Variants in SMPD3 observed in about 807,000 individuals in gnomAD.
The protein encoded by SMPD3 is nSMase-2.
A neutral mutation model predicts 55.7 loss-of-function variants in SMPD3; 21 were observed. That is an observed-to-expected ratio of 0.38 (90% CI 0.27 to 0.54). The LOEUF (loss-of-function observed/expected upper bound fraction) is 0.54. Among genes scored for constraint, SMPD3 ranks in the 20% least tolerant of loss-of-function variants. SMPD3 has a pLI of 0.80. For missense variants in SMPD3, 842 were observed against 899.6 expected (o/e 0.94, Z 0.82); for synonymous variants, 457 against 404.3 (o/e 1.13, Z -1.56).
chr16:68,367,007 CAAAAAAAA>C (rs35797796), intron 3 of SMPD3, among the ~76,000 whole-genome samples: 1 of 129,514 alleles, frequency 7.7e-6, no homozygotes, highest in Non-Finnish European at 1.7e-5. Flanking sequence ...GACTCTGTCT[CAAAAAAAA>C]AAAAAAAAAT....
intron 2 of SMPD3, among the ~76,000 whole-genome samples, chr16:68,385,897 A>T (rs1259000571): frequency 6.6e-6 from 1 of 152,098 alleles, no homozygotes; most frequent in African/African-American, 2.4e-5. Context: ...GTTTCACAAC[A>T]TCCTTACCAA....
At chr16:68,370,335 T>C (rs192393021) in intron 3 of SMPD3, 8 of 156,224 alleles carry the variant, frequency 5.1e-5, no homozygotes, top group Non-Finnish European at 1.1e-4. Context: ...GGGAAGCTAG[T>C]GGCCTCAGTG....
At chr16:68,375,067 C>T (rs2089776441) in intron 2 of SMPD3, among the ~76,000 whole-genome samples, 1 of 152,182 alleles carries the variant, frequency 6.6e-6, no homozygotes. Context: ...CTGAGGTCAC[C>T]AGCCCAGCCT....
chr16:68,412,677 G>A (rs2090311080), intron 1 of SMPD3, among the ~76,000 whole-genome samples: 1 of 152,290 alleles, frequency 6.6e-6, no homozygotes, highest in Non-Finnish European at 1.5e-5. Flanking sequence ...TTGAATGTGC[G>A]AGATCATCAC....
intron 1 of SMPD3, among the ~76,000 whole-genome samples, chr16:68,412,049 C>G (rs117233999): frequency 6.6e-6 from 1 of 152,116 alleles, no homozygotes; most frequent in South Asian, 2.1e-4. Flanking sequence ...GCAGGAGGTG[C>G]TCTGGGAAAG....
In SMPD3 at chr16:68,372,301, A is replaced by G; in HGVS notation, c.-120T>C. The G allele has an allele frequency of 2.3e-6, 3 of 1,310,684 alleles. No homozygotes were observed. The East Asian group carries it at 7.5e-5, about 33-fold the overall frequency. The allele number at this position is 1,310,684 out of a possible 1,614,324, so 81.2% of individuals were successfully genotyped here. Reference sequence around the variant, plus strand: ...CTGGAGGAGGGGTCACCTCCTGGCGAGATGCAACTCCGGCTGGTCAATGGC... The same window carrying G: ...CTGGAGGAGGGGTCACCTCCTGGCGGGATGCAACTCCGGCTGGTCAATGGC... On this transcript the variant is annotated 5_prime_UTR_variant, in exon 3 of 9. Coordinates refer to ENST00000219334, the MANE Select transcript of SMPD3 (RefSeq NM_018667.4).
intron 3 of SMPD3, chr16:68,367,974 C>G (rs533458345): frequency 6.6e-6 from 1 of 152,356 alleles, no homozygotes; most frequent in East Asian, 1.9e-4. Context: ...ACCATGAGGG[C>G]CTTCCGGGAA....
intron 1 of SMPD3, among the ~76,000 whole-genome samples, chr16:68,402,266 A>T (rs1335781752): frequency 6.6e-6 from 1 of 152,138 alleles, no homozygotes; most frequent in Non-Finnish European, 1.5e-5. Context: ...TCTCTCCTCT[A>T]TAAAATGGGG....
At position 68,374,903 on chromosome 16, in the gene SMPD3, T is replaced by A. The variant is rs191055694; in HGVS notation, c.-206-2516A>T. Reference sequence around the variant, plus strand: ...CCCTGTGGGGACAATGGGGGCGGGATGGGGGTCTCTCAAGGCTCTCCAGCC... The same window carrying A: ...CCCTGTGGGGACAATGGGGGCGGGAAGGGGGTCTCTCAAGGCTCTCCAGCC... On this transcript the variant is annotated intron_variant, in intron 2 of 8. Transcript: ENST00000219334. 1.4e-4 allele frequency among the ~76,000 whole-genome samples: 21 copies of A among 152,238 alleles called. No individual in the cohort carries two copies. The East Asian group carries it at 3.3e-3, about 24-fold the overall frequency.
chr16:68,442,492 A>G (rs2152035679), intron 1 of SMPD3, among the ~76,000 whole-genome samples: 1 of 152,324 alleles, frequency 6.6e-6, no homozygotes, highest in South Asian at 2.1e-4. Flanking sequence ...AGGCACAAGA[A>G]ATGTCTGTTG....
chr16:68,418,829 G>C lies in SMPD3; in HGVS notation c.-269+29524C>G, dbSNP rs775973759. On this transcript the variant is annotated intron_variant, in intron 1 of 8. Coordinates refer to ENST00000219334, the MANE Select transcript of SMPD3 (RefSeq NM_018667.4). The stretch of plus-strand genomic sequence containing the variant: ...GGGCCTGAACCATAGTCTTGAGCTT[G>C]TCTAAAGATGGGTCTGGACTTTCTT... Among the ~76,000 whole-genome samples the C allele has an allele frequency of 1.1e-4, 16 of 152,200 alleles. 1 individual carries two copies. Among genetic ancestry groups the C allele is most frequent in the South Asian group, 4.1e-4 (2 of 4,830 alleles).
intron 2 of SMPD3, among the ~76,000 whole-genome samples, chr16:68,373,825 C>T (rs1014409680): frequency 1.3e-5 from 2 of 152,312 alleles, no homozygotes; most frequent in South Asian, 2.1e-4. Context: ...GTCAGGCCTG[C>T]GGGTCTCTGC....
In SMPD3 at chr16:68,361,583, G is replaced by T; in HGVS notation, c.1866+20C>A. On this transcript the variant is annotated intron_variant, in intron 8 of 8. Coordinates refer to ENST00000219334, the MANE Select transcript of SMPD3 (RefSeq NM_018667.4). ...GCTCTCTCTTTGCATGGCCCTGGCT[G>T]CTGGGCCCTCCTGACTCACGGCCTT... The T allele has an allele frequency of 1.2e-6, 2 of 1,604,288 alleles. No individual in the cohort carries two copies. The highest frequency in any genetic ancestry group is 1.7e-6 in the Non-Finnish European group (2 of 1,179,700).
At chr16:68,361,573 G>T (rs1253944972) in intron 8 of SMPD3, 30 bp downstream of exon 8, 1 of 1,602,296 alleles carries the variant, frequency 6.2e-7, no homozygotes, top group Admixed American at 1.7e-5. Context: ...CTCTTTGCAT[G>T]GCCCTGGCTG....
chr16:68,412,774 A>C (rs1162746929), intron 1 of SMPD3, among the ~76,000 whole-genome samples: 1 of 152,252 alleles, frequency 6.6e-6, no homozygotes, highest in Non-Finnish European at 1.5e-5. Context: ...AGGCTCCCCA[A>C]GTTATCAAGA....
chr16:68,363,157 G>T (rs975211827), intron 7 of SMPD3, among the ~76,000 whole-genome samples: 3 of 133,782 alleles, frequency 2.2e-5, no homozygotes, highest in Non-Finnish European at 1.6e-5. Context: ...GCTCTTTCAT[G>T]GGGGTCGACC....
chr16:68,438,595 A>T (rs1039129029), intron 1 of SMPD3, among the ~76,000 whole-genome samples: 1 of 152,106 alleles, frequency 6.6e-6, no homozygotes, highest in Non-Finnish European at 1.5e-5. Flanking sequence ...CTTTCCAAAC[A>T]TCTATTTCAT....
intron 1 of SMPD3, among the ~76,000 whole-genome samples, chr16:68,398,145 A>G (rs2090176030): frequency 6.6e-6 from 1 of 152,140 alleles, no homozygotes; most frequent in East Asian, 1.9e-4. Context: ...GGATGTTCTC[A>G]GGGAGAACAG....
chr16:68,363,352 C>G, intron 7 of SMPD3, 144 bp downstream of exon 7: 2 of 916,964 alleles, frequency 2.2e-6, no homozygotes, highest in Non-Finnish European at 3.5e-6. Context: ...CAAAAGCTCT[C>G]AAAGGTGAGA....
Sources: gnomAD v4.1 joint callset for allele counts (sites outside exome capture counted in the v4.1 genomes callset) on GRCh38, gnomAD v4.1.1 for gene constraint, MANE v1.5 for transcripts, NCBI Gene and HGNC (gene_info 2026-07-23, HGNC 2026-07-21) for gene names.